The following MASP1 variants were observed in gnomAD, a reference collection of about 807,000 sequenced individuals.
MASP1 encodes MBL associated serine protease 1.
In MASP1, 59 loss-of-function variants were observed where a neutral mutation model predicts 77.1. The observed-to-expected ratio is 0.77, with a 90% CI of 0.62 to 0.95. The LOEUF is 0.95. MASP1 is among the 40% of genes least tolerant of loss of function. MASP1 has a pLI of 0.00. For missense variants in MASP1, 885 were observed against 912.9 expected (o/e 0.97, Z 0.39); for synonymous variants, 362 against 354.5 (o/e 1.02, Z -0.24).
intron 2 of MASP1, among the ~76,000 whole-genome samples, chr3:187,273,591 T>G (rs1456822410): frequency 3.9e-5 from 6 of 152,208 alleles, no homozygotes. Flanking sequence ...TGAGCTCACC[T>G]TCACGGAAAG....
intron 8 of MASP1, chr3:187,247,085 T>A (rs1714146336): frequency 1.6e-5 from 23 of 1,406,202 alleles, no homozygotes; most frequent in Non-Finnish European, 1.9e-5. Context: ...CTAAAATAAA[T>A]CCCACATTTT....
intron 5 of MASP1, among the ~76,000 whole-genome samples, chr3:187,255,336 G>C (rs942847040): frequency 6.6e-6 from 1 of 152,102 alleles, no homozygotes; most frequent in African/African-American, 2.4e-5. Context: ...GAAGAAGAAG[G>C]GGATTTTAGT....
chr3:187,276,237 C>T (rs1716960754), intron 2 of MASP1, among the ~76,000 whole-genome samples: 1 of 152,118 alleles, frequency 6.6e-6, no homozygotes, highest in Non-Finnish European at 1.5e-5. Flanking sequence ...CAGAGCCCTG[C>T]TCTATTTTAT....
At chr3:187,243,004 T>C (rs1713782103) in intron 9 of MASP1, 4 of 218,052 alleles carry the variant, frequency 1.8e-5, no homozygotes, top group East Asian at 1.1e-4. Context: ...CCTTACCTGC[T>C]GAATGGGTCT....
At chr3:187,281,542 T>TA (rs1384203798) in intron 2 of MASP1, among the ~76,000 whole-genome samples, 1 of 152,250 alleles carries the variant, frequency 6.6e-6, no homozygotes, top group African/African-American at 2.4e-5. Flanking sequence ...GTTGGCATGA[T>TA]ATGTTTACAA....
intron 2 of MASP1, chr3:187,262,927 T>A: frequency 1.8e-6 from 1 of 557,804 alleles, no homozygotes; most frequent in South Asian, 2.3e-5. Flanking sequence ...TCGTCTTATT[T>A]AGTTCCATTA....
At chr3:187,246,809 A>G in intron 8 of MASP1, 3 of 981,922 alleles carry the variant, frequency 3.1e-6, no homozygotes, top group Non-Finnish European at 3.6e-6. Flanking sequence ...GAATGAGAAA[A>G]CATTCAGATT....
At chr3:187,257,820 A>C (rs1715220381) in intron 4 of MASP1, among the ~76,000 whole-genome samples, 1 of 152,158 alleles carries the variant, frequency 6.6e-6, no homozygotes, top group Non-Finnish European at 1.5e-5. Context: ...CCACTGACCT[A>C]ATGGGCCCCC....
chr3:187,279,932 G>T (rs1232836605), intron 2 of MASP1, among the ~76,000 whole-genome samples: 1 of 152,122 alleles, frequency 6.6e-6, no homozygotes, highest in Non-Finnish European at 1.5e-5. Flanking sequence ...AATTCCTTGA[G>T]GACTTTATAG....
In MASP1 at chr3:187,234,478, A is replaced by T. The variant is rs1004874696; in HGVS notation, c.*1206T>A. 1 of 1,286,242 alleles carries T rather than the reference A, an allele frequency of 7.8e-7. No individual in the cohort carries two copies. Among genetic ancestry groups the T allele is most frequent in the Non-Finnish European group, 1.0e-6 (1 of 987,762 alleles). 79.7% of individuals were successfully genotyped at this position (1,286,242 alleles called of 1,614,324 possible). ...GAGAACCAGAGACTCAGACAAAGAA[A>T]ATGATTTTTCAAAGGTTATACAGCC... On this transcript the variant is annotated 3_prime_UTR_variant, in exon 11 of 11. Transcript: ENST00000296280.
intron 2 of MASP1, chr3:187,276,470 C>T (rs1002109511): frequency 2.0e-5 from 3 of 152,198 alleles, no homozygotes; most frequent in African/African-American, 4.8e-5. Context: ...ATAAGCACAT[C>T]GAAGTAAAGT....
At chr3:187,272,467 A>G (rs1716605548) in intron 2 of MASP1, among the ~76,000 whole-genome samples, 1 of 152,168 alleles carries the variant, frequency 6.6e-6, no homozygotes, top group Non-Finnish European at 1.5e-5. Flanking sequence ...TCTGCATGTG[A>G]CCTTATATGG....
At chr3:187,231,665 T>C (rs1225546914), downstream of MASP1, among the ~76,000 whole-genome samples, 1 of 152,274 alleles carries the variant, frequency 6.6e-6, no homozygotes, top group African/African-American at 2.4e-5. Context: ...CGCTGTGCAC[T>C]GTGGCTCCCA....
Position 187,254,007 on chromosome 3 carries a change from T to TAA in MASP1, c.745-694_745-693dup, listed in dbSNP as rs11370015. Among the ~76,000 whole-genome samples the TAA allele has an allele frequency of 2.4e-4, 36 of 151,158 alleles. No individual in the cohort carries two copies. The Middle Eastern group carries it at 0.01, about 43-fold the overall frequency. ...TGTATCCCAGTACTTAAAGTAAAAT[T>TAA]AAAAAAAAATCCTCTGCTTAAAGAT... is the stretch of plus-strand genomic sequence containing the variant. On this transcript the variant is annotated intron_variant, in intron 5 of 10. Coordinates refer to ENST00000296280, the MANE Select transcript of MASP1 (RefSeq NM_139125.4).
chr3:187,221,232 C>T lies in MASP1; in HGVS notation c.1810-98G>A, dbSNP rs868504299. ...GGCTCCTCTCCACTCCATACCTGGA[C>T]GGACCTGTGTCTACCTTAGACTTGA... On this transcript the variant is annotated intron_variant, in intron 14 of 15. Coordinates refer to the MASP1 transcript ENST00000337774. The T allele has an allele frequency of 5.8e-5, 47 of 805,808 alleles. No individual in the cohort carries two copies. In the Middle Eastern group the frequency reaches 2.9e-3, roughly 49 times the overall value. 49.9% of individuals were successfully genotyped at this position (805,808 alleles called of 1,614,324 possible). A position where few individuals can be genotyped will look rare whatever the true frequency, so the allele number is the denominator to read the frequency against.
At chr3:187,231,412 G>T (rs1178743781), downstream of MASP1, among the ~76,000 whole-genome samples, 1 of 152,204 alleles carries the variant, frequency 6.6e-6, no homozygotes, top group Non-Finnish European at 1.5e-5. Flanking sequence ...CTTCTGAAAA[G>T]ACGAGTTGAC....
rs983327319 is a variant in MASP1, at chr3:187,235,223, G to A, written c.*461C>T. 2.0e-5 allele frequency: 26 copies of A among 1,289,096 alleles called. No homozygotes were observed. Among genetic ancestry groups the A allele is most frequent in the Non-Finnish European group, 2.5e-5 (25 of 990,134 alleles). The allele number at this position is 1,289,096 out of a possible 1,614,324, so 79.9% of individuals were successfully genotyped here. On this transcript the variant is annotated 3_prime_UTR_variant, in exon 11 of 11. Transcript: ENST00000296280. ...GATTAGGCCAAGGCTAGTCCCAGAAGGCAGAGCAGGAAAATATACAGATGC... is the reference window on the plus strand; with the variant it reads ...GATTAGGCCAAGGCTAGTCCCAGAAAGCAGAGCAGGAAAATATACAGATGC...
chr3:187,273,372 A>C (rs1716681246), intron 2 of MASP1, among the ~76,000 whole-genome samples: 1 of 152,204 alleles, frequency 6.6e-6, no homozygotes, highest in African/African-American at 2.4e-5. Context: ...AGAGACATCA[A>C]AAGGGTACTC....
chr3:187,231,972 C>A (rs542697991), downstream of MASP1, among the ~76,000 whole-genome samples: 1 of 152,256 alleles, frequency 6.6e-6, no homozygotes, highest in African/African-American at 2.4e-5. Flanking sequence ...GGAGGGAGTA[C>A]AGAGAGAGGA....
Sources: gnomAD v4.1 joint callset for allele counts (sites outside exome capture counted in the v4.1 genomes callset) on GRCh38, gnomAD v4.1.1 for gene constraint, MANE v1.5 for transcripts, NCBI Gene and HGNC (gene_info 2026-07-23, HGNC 2026-07-21) for gene names.